Variants in TRIP6 observed in about 807,000 individuals in gnomAD.
TRIP6 encodes the protein thyroid receptor-interacting protein 6.
In TRIP6, 33 loss-of-function variants were observed where a neutral mutation model predicts 51.9. The ratio of observed to expected loss-of-function variants is 0.64; its 90% CI spans 0.48 to 0.85. The LOEUF (loss-of-function observed/expected upper bound fraction) is 0.85, where lower values mean the gene tolerates loss of function less well. Among genes scored for constraint, TRIP6 ranks in the 40% least tolerant of loss-of-function variants. The probability of loss-of-function intolerance (pLI) is 0.00; values close to 1 mark genes in which losing one functional copy is unlikely to be tolerated. For missense variants in TRIP6, 661 were observed against 652.1 expected (o/e 1.01, Z -0.15); for synonymous variants, 255 against 275.8 (o/e 0.92, Z 0.75).
rs1453184803 is a variant in TRIP6 at position 100,867,714 on chromosome 7, C to T, written c.109+108C>T. 1 of 1,524,810 alleles carries T rather than the reference C, an allele frequency of 6.6e-7. No individual in the cohort carries two copies. Among genetic ancestry groups the T allele is most frequent in the African/African-American group, 1.4e-5 (1 of 70,982 alleles). 94.5% of individuals were successfully genotyped at this position (1,524,810 alleles called of 1,614,324 possible). A position where few individuals can be genotyped will look rare whatever the true frequency, so the allele number is the denominator to read the frequency against. ...TGCTTCCTCCTGCCCCTTCCCCAAG[C>T]CGAGGCGGGGGGAACAGCCGCCTGC... On this transcript the variant is annotated intron_variant, in intron 1 of 8. Transcript: ENST00000200457. This position sits in a 1 kb window ranked among gnomAD's most constrained non-coding sequence, Gnocchi z 5.4.
rs1815166360 is a variant in TRIP6 at position 100,867,553 on chromosome 7, A to G, written c.56A>G (p.Gln19Arg). 1 of 1,539,958 alleles carries G rather than the reference A, an allele frequency of 6.5e-7. No individual in the cohort carries two copies. Among genetic ancestry groups the G allele is most frequent in the Non-Finnish European group, 8.7e-7 (1 of 1,145,198 alleles). ...CAGCCGGAGCCCGCCAGAGCCCCTCAGGGGAGGGCGATCCCCCGCGGCACC... is the reference window on the plus strand; with the variant it reads ...CAGCCGGAGCCCGCCAGAGCCCCTCGGGGGAGGGCGATCCCCCGCGGCACC... ...PKQPEPARAPQGRAIPRGTPG... is the reference protein window; with the variant it reads ...PKQPEPARAPRGRAIPRGTPG... The change falls in exon 1 of 9, where the codon CAG (glutamine) becomes CGG (arginine). Residue 19 changes from glutamine (Q) to arginine (R), a missense_variant. Physicochemically the swap from Gln to Arg is conservative, Grantham distance 43 (BLOSUM62 1). Transcript: ENST00000200457. This position sits in a 1 kb window ranked among gnomAD's most constrained non-coding sequence, Gnocchi z 5.4.
intron 3 of TRIP6, 53 bp downstream of exon 3, chr7:100,868,286 A>G: frequency 6.3e-7 from 1 of 1,582,162 alleles, no homozygotes; most frequent in Non-Finnish European, 8.6e-7. Flanking sequence ...CTGGACTCTC[A>G]GACCCAGCCT....
At chr7:100,872,899 G>A in intron 8 of TRIP6, 155 bp downstream of exon 8, 1 of 1,264,224 alleles carries the variant, frequency 7.9e-7, no homozygotes, top group Non-Finnish European at 1.0e-6. Flanking sequence ...TGCCCAGGCT[G>A]GAGTGCAGTG....
chr7:100,868,280 A>G, intron 3 of TRIP6, 47 bp downstream of exon 3: 1 of 1,587,816 alleles, frequency 6.3e-7, no homozygotes, highest in Admixed American at 1.8e-5. Context: ...CCTTCTCTGG[A>G]CTCTCAGACC....
At position 100,873,169 on chromosome 7, in the gene TRIP6, C is replaced by G; in HGVS notation, c.1300-3C>G. 1 of 1,609,038 alleles carries G rather than the reference C, an allele frequency of 6.2e-7. No individual in the cohort carries two copies. The highest frequency in any genetic ancestry group is 8.5e-7 in the Non-Finnish European group (1 of 1,176,716). On this transcript the variant is annotated splice_polypyrimidine_tract_variant and splice_region_variant and intron_variant, in intron 8 of 8. Coordinates refer to ENST00000200457, the MANE Select transcript of TRIP6 (RefSeq NM_003302.3). ...CGGCCAATTGTTGCTTCTTTTTCAACAGGAGTGTGGGCTGCTGCTCTCCTC... is the reference window on the plus strand; with the variant it reads ...CGGCCAATTGTTGCTTCTTTTTCAAGAGGAGTGTGGGCTGCTGCTCTCCTC...
chr7:100,873,160 C>A lies in TRIP6; in HGVS notation c.1300-12C>A. On this transcript the variant is annotated splice_polypyrimidine_tract_variant and intron_variant, in intron 8 of 8. Coordinates refer to ENST00000200457, the MANE Select transcript of TRIP6 (RefSeq NM_003302.3). ...CATCGCGCCCGGCCAATTGTTGCTT[C>A]TTTTTCAACAGGAGTGTGGGCTGCT... 1 of 1,606,002 alleles carries A rather than the reference C, an allele frequency of 6.2e-7. No homozygotes were observed. Among genetic ancestry groups the A allele is most frequent in the Non-Finnish European group, 8.5e-7 (1 of 1,174,762 alleles).
intron 5 of TRIP6, 54 bp from the exon 6 acceptor site, chr7:100,870,520 G>A: frequency 6.2e-7 from 1 of 1,606,710 alleles, no homozygotes; most frequent in South Asian, 1.1e-5. Flanking sequence ...GAGACAGAGG[G>A]GACAGTGGCT....
In TRIP6 at chr7:100,867,918, A is replaced by G; in HGVS notation, c.167A>G (p.Gln56Arg). 2.6e-6 allele frequency: 4 copies of G among 1,522,178 alleles called. No homozygotes were observed. In the South Asian group the frequency reaches 5.3e-5, roughly 20 times the overall value. The allele number at this position is 1,522,178 out of a possible 1,614,324, so 94.3% of individuals were successfully genotyped here. ...FCPLPSEQCY[Q>R]APGGPEDRGP... ...CCCCTTCCATCTGAGCAGTGTTACC[A>G]GGCCCCAGGGGGACCGGAGGATCGG... Residue 56 changes from glutamine (Q) to arginine (R), a missense_variant, in exon 2 of 9, where the codon CAG (glutamine) becomes CGG (arginine). Gln to Arg is a conservative substitution (Grantham distance 43, BLOSUM62 1). Coordinates refer to ENST00000200457, the MANE Select transcript of TRIP6 (RefSeq NM_003302.3). This position sits in a 1 kb window ranked among gnomAD's most constrained non-coding sequence, Gnocchi z 5.4.
rs11539289 is a variant in TRIP6 at position 100,867,496 on chromosome 7, C to T, written c.-2C>T. On this transcript the variant is annotated 5_prime_UTR_variant, in exon 1 of 9. Transcript: ENST00000200457. This position sits in a 1 kb window ranked among gnomAD's most constrained non-coding sequence, Gnocchi z 5.4. ...GCTGTCTGGAGTCCCCCTTTCCAGG[C>T]CATGTCGGGGCCCACCTGGCTGCCC... The T allele has an allele frequency of 0.019, 28,152 of 1,479,980 alleles. 322 individuals are homozygous for T. The highest frequency in any genetic ancestry group is 0.035 in the Middle Eastern group (188 of 5,402). 91.7% of individuals were successfully genotyped at this position (1,479,980 alleles called of 1,614,324 possible).
chr7:100,870,261 C>A, intron 4 of TRIP6, 109 bp from the exon 5 acceptor site: 1 of 1,101,592 alleles, frequency 9.1e-7, no homozygotes, highest in Non-Finnish European at 1.3e-6. Context: ...CATTGCTCAG[C>A]TCCTGCTGTG....
At position 100,867,954 on chromosome 7, in the gene TRIP6, G is replaced by A; in HGVS notation, c.203G>A (p.Trp68Ter). 2.0e-6 allele frequency: 3 copies of A among 1,514,072 alleles called. No individual in the cohort carries two copies. Among genetic ancestry groups the A allele is most frequent in the Admixed American group, 2.3e-5 (1 of 42,796 alleles). The allele number at this position is 1,514,072 out of a possible 1,614,324, so 93.8% of individuals were successfully genotyped here. ...GGACCGGAGGATCGGGGGCCGGCGT[G>A]GGTGGGGTCCCATGGAGTACTCCAG... ...PGGPEDRGPA[W>*]VGSHGVLQHT... Residue 68 changes from tryptophan (W) to a stop codon, truncating the protein, a stop_gained, in exon 2 of 9, where the codon TGG (tryptophan) becomes TAG (stop). Coordinates refer to ENST00000200457, the MANE Select transcript of TRIP6 (RefSeq NM_003302.3). LOFTEE classifies it high-confidence loss of function. This position sits in a 1 kb window ranked among gnomAD's most constrained non-coding sequence, Gnocchi z 5.4.
chr7:100,869,329 G>A (rs1404017018), intron 4 of TRIP6, among the ~76,000 whole-genome samples: 1 of 151,472 alleles, frequency 6.6e-6, no homozygotes, highest in Non-Finnish European at 1.5e-5. Flanking sequence ...GTGCGGGGGA[G>A]CAGGATAGAA....
chr7:100,868,570 T>C lies in TRIP6; in HGVS notation c.439T>C (p.Ser147Pro). ...KPNPASPLPASPYGGPTPASY... is the reference protein window; with the variant it reads ...KPNPASPLPAPPYGGPTPASY... ...AAATCCAGCCTCGCCGCTCCCAGCGTCTCCCTATGGGGGCCCCACTCCAGC... is the reference window on the plus strand; with the variant it reads ...AAATCCAGCCTCGCCGCTCCCAGCGCCTCCCTATGGGGGCCCCACTCCAGC... Residue 147 changes from serine to proline, a missense_variant, in exon 4 of 9, where the codon TCT becomes CCT. Coordinates refer to ENST00000200457, the MANE Select transcript of TRIP6 (RefSeq NM_003302.3). 1 of 1,612,940 alleles carries C rather than the reference T, an allele frequency of 6.2e-7. No individual in the cohort carries two copies. The highest frequency in any genetic ancestry group is 8.5e-7 in the Non-Finnish European group (1 of 1,179,984).
intron 8 of TRIP6, 66 bp downstream of exon 8, chr7:100,872,810 G>A: frequency 6.3e-7 from 1 of 1,587,562 alleles, no homozygotes; most frequent in Admixed American, 1.8e-5. Flanking sequence ...GCATGAGGGG[G>A]AACACAGAGG....
chr7:100,871,335 T>C (rs566680962), intron 6 of TRIP6, among the ~76,000 whole-genome samples: 1 of 152,326 alleles, frequency 6.6e-6, no homozygotes, highest in African/African-American at 2.4e-5. Context: ...GCACCCAGCC[T>C]GATTCCTGTT....
At position 100,873,249 on chromosome 7, in the gene TRIP6, C is replaced by T. The variant is rs2115638087; in HGVS notation, c.1377C>T (p.Ala459=). 6.2e-7 allele frequency: 1 copy of T among 1,613,560 alleles called. No individual in the cohort carries two copies. The highest frequency in any genetic ancestry group is 8.5e-7 in the Non-Finnish European group (1 of 1,179,604). The change falls in exon 9 of 9, where the codon GCC becomes GCT. Residue 459 remains alanine, a synonymous_variant. Transcript: ENST00000200457. The part of the protein sequence containing the change: ...YPLDGHILCK[A]CSAWRIQELS... ...TGGATGGGCACATCTTGTGCAAGGC[C>T]TGCAGCGCCTGGCGCATCCAGGAGC...
chr7:100,868,308 C>T, intron 3 of TRIP6, 75 bp downstream of exon 3: 1 of 1,572,828 alleles, frequency 6.4e-7, no homozygotes, highest in Admixed American at 1.8e-5. Flanking sequence ...ATCGATCCCC[C>T]ATGTGTGTAA....
At chr7:100,871,507 C>A (rs1815266999) in intron 6 of TRIP6, 36 bp from the exon 7 acceptor site, 1 of 1,604,190 alleles carries the variant, frequency 6.2e-7, no homozygotes, top group Non-Finnish European at 8.5e-7. Context: ...ATGGCTCCCG[C>A]CCGCTCCCAG....
rs750493268 is a variant in TRIP6, at chr7:100,873,159, T to G, written c.1300-13T>G. ...CCATCGCGCCCGGCCAATTGTTGCT[T>G]CTTTTTCAACAGGAGTGTGGGCTGC... On this transcript the variant is annotated splice_polypyrimidine_tract_variant and intron_variant, in intron 8 of 8. Coordinates refer to ENST00000200457, the MANE Select transcript of TRIP6 (RefSeq NM_003302.3). 5.0e-6 allele frequency: 8 copies of G among 1,607,682 alleles called. No homozygotes were observed. In the East Asian group the frequency reaches 1.8e-4, roughly 36 times the overall value.
Sources: gnomAD v4.1 joint callset for allele counts (sites outside exome capture counted in the v4.1 genomes callset) on GRCh38, gnomAD v4.1.1 for gene constraint, Gnocchi (gnomAD v3.1) non-coding constraint, MANE v1.5 for transcripts, NCBI Gene and HGNC (gene_info 2026-07-23, HGNC 2026-07-21) for gene names.